Variants in FUT8 observed in about 807,000 individuals in gnomAD.
FUT8 encodes fucosyltransferase 8.
FUT8 carries 29 observed loss-of-function variants against 71.3 expected under a neutral mutation model. That is an observed-to-expected ratio of 0.41 (90% CI 0.30 to 0.55). FUT8 has a LOEUF of 0.55. FUT8 is among the 20% of genes least tolerant of loss of function. The pLI, the probability that FUT8 is intolerant of heterozygous loss-of-function variation, is 0.34. For synonymous variants in FUT8, 254 were observed against 239.3 expected, an observed-to-expected ratio of 1.06 and a Z score of -0.57; for missense variants, 544 against 702.1, an observed-to-expected ratio of 0.77 and a Z score of 2.55.
At chr14:65,735,494 T>G (rs560833606) in intron 10 of FUT8, among the ~76,000 whole-genome samples, 10 of 152,292 alleles carry the variant, frequency 6.6e-5, no homozygotes, top group South Asian at 2.1e-4. Context: ...ATATTTCACA[T>G]TGTTCCTAAA....
At chr14:65,451,866 A>G (rs762056495) in intron 1 of FUT8, among the ~76,000 whole-genome samples, 5 of 152,098 alleles carry the variant, frequency 3.3e-5, no homozygotes, top group Non-Finnish European at 4.4e-5. Context: ...TGGGGTTTTT[A>G]TAGGCACAGG....
At chr14:65,468,083 A>G in intron 2 of FUT8, 1 of 638,934 alleles carries the variant, frequency 1.6e-6, no homozygotes, top group Non-Finnish European at 2.9e-6. Context: ...TACAATACCA[A>G]CAGCATGCTG....
intron 1 of FUT8, among the ~76,000 whole-genome samples, chr14:65,444,636 G>A (rs113269028): frequency 9.2e-5 from 14 of 152,302 alleles, no homozygotes; most frequent in African/African-American, 3.4e-4. Flanking sequence ...TGATACGTGT[G>A]TTGTAGCAAT....
chr14:65,403,073 A>C, the FUT8 span, among the ~76,000 whole-genome samples: 1 of 152,052 alleles, frequency 6.6e-6, no homozygotes, highest in Admixed American at 6.6e-5. Flanking sequence ...TGTTATCTTG[A>C]TTTTGGATTT....
chr14:65,632,215 A>G (rs1481443021), intron 6 of FUT8, among the ~76,000 whole-genome samples: 1 of 152,132 alleles, frequency 6.6e-6, no homozygotes, highest in African/African-American at 2.4e-5. Context: ...TTTTCATGTA[A>G]CGACTCCTTT....
At chr14:65,716,314 A>G (rs1476396191) in intron 7 of FUT8, among the ~76,000 whole-genome samples, 1 of 148,808 alleles carries the variant, frequency 6.7e-6, no homozygotes, top group African/African-American at 2.5e-5. Context: ...GAGTGCATAT[A>G]TATTTATAAT....
At chr14:65,693,435 G>T (rs1275205677) in intron 7 of FUT8, among the ~76,000 whole-genome samples, 1 of 152,256 alleles carries the variant, frequency 6.6e-6, no homozygotes, top group Non-Finnish European at 1.5e-5. Flanking sequence ...CAGGGAGGTT[G>T]CAGTGAGCCG....
At chr14:65,722,072 A>G in intron 8 of FUT8, 51 bp downstream of exon 8, 1 of 1,588,884 alleles carries the variant, frequency 6.3e-7, no homozygotes, top group South Asian at 1.1e-5. Flanking sequence ...AGTTAGGGTT[A>G]TGTATCTTTA....
At chr14:65,534,549 C>CTTT (rs71126760) in intron 2 of FUT8, among the ~76,000 whole-genome samples, 7 of 122,244 alleles carry the variant, frequency 5.7e-5, no homozygotes, top group East Asian at 5.0e-4. Context: ...GGCTGTTTTT[C>CTTT]TTTTTTTTTT....
intron 1 of FUT8, among the ~76,000 whole-genome samples, chr14:65,424,004 G>A (rs1031531240): frequency 2.0e-5 from 3 of 152,146 alleles, no homozygotes; most frequent in African/African-American, 4.8e-5. Context: ...TCTACAGTAC[G>A]TATCAAGCAA....
chr14:65,421,627 A>G (rs1272720426), intron 1 of FUT8, among the ~76,000 whole-genome samples: 1 of 151,728 alleles, frequency 6.6e-6, no homozygotes, highest in Non-Finnish European at 1.5e-5. Context: ...TTCCTTCTAC[A>G]TTACCTGGTA....
chr14:65,551,254 A>G (rs568813885), intron 2 of FUT8, among the ~76,000 whole-genome samples: 6 of 152,334 alleles, frequency 3.9e-5, no homozygotes, highest in African/African-American at 1.4e-4. Flanking sequence ...TCACACAGTC[A>G]TATGCCAAAT....
Position 65,636,131 on chromosome 14 carries a change from G to T in FUT8, c.597+6525G>T, listed in dbSNP as rs929021753. Among the ~76,000 whole-genome samples the T allele has an allele frequency of 7.9e-5, 12 of 152,086 alleles. No individual in the cohort carries two copies. The East Asian group carries it at 2.3e-3, about 29-fold the overall frequency. ...GGTTTTCTAGTTTATGTGCATAAAGGTGCTCATAGTAGCCTTGAATGATCT... is the reference window on the plus strand; with the variant it reads ...GGTTTTCTAGTTTATGTGCATAAAGTTGCTCATAGTAGCCTTGAATGATCT... On this transcript the variant is annotated intron_variant, in intron 6 of 10. Transcript: ENST00000673929.
chr14:65,677,136 G>A (rs1488675237), intron 7 of FUT8, among the ~76,000 whole-genome samples: 1 of 108,730 alleles, frequency 9.2e-6, no homozygotes, highest in Non-Finnish European at 2.0e-5. Flanking sequence ...GTGTGTGTGT[G>A]TGTGTGTGTG....
At chr14:65,423,646 G>A (rs1163299889) in intron 1 of FUT8, among the ~76,000 whole-genome samples, 4 of 152,180 alleles carry the variant, frequency 2.6e-5, no homozygotes, top group South Asian at 2.1e-4. Context: ...TTATCGTGAC[G>A]TTTTTAAAGC....
the FUT8 span, among the ~76,000 whole-genome samples, chr14:65,380,202 T>C: frequency 2.4e-3 from 361 of 152,292 alleles, 2 homozygotes; most frequent in Non-Finnish European, 3.6e-3. Flanking sequence ...ACTTCTTACA[T>C]GGCAGTGGCA....
intron 2 of FUT8, among the ~76,000 whole-genome samples, chr14:65,474,098 G>A (rs1347538310): frequency 1.3e-5 from 2 of 152,006 alleles, no homozygotes; most frequent in African/African-American, 2.4e-5. Context: ...TCATGGGTAC[G>A]CAAAGGCATA....
chr14:65,552,155 AATT>A (rs1885325705), intron 2 of FUT8, among the ~76,000 whole-genome samples: 1 of 152,208 alleles, frequency 6.6e-6, no homozygotes, highest in Non-Finnish European at 1.5e-5. Flanking sequence ...CAAAAAATGC[AATT>A]ATTTGTGGAA....
intron 10 of FUT8, among the ~76,000 whole-genome samples, chr14:65,736,446 C>T (rs1479622318): frequency 6.6e-6 from 1 of 151,286 alleles, no homozygotes; most frequent in African/African-American, 2.4e-5. Flanking sequence ...ACGGGTAATG[C>T]TTAGGGTCCG....
Sources: gnomAD v4.1 joint callset for allele counts (sites outside exome capture counted in the v4.1 genomes callset) on GRCh38, gnomAD v4.1.1 for gene constraint, MANE v1.5 for transcripts, NCBI Gene and HGNC (gene_info 2026-07-23, HGNC 2026-07-21) for gene names.